POLD3: variants seen among roughly 807,000 people sequenced by gnomAD.
The protein encoded by POLD3 is DNA polymerase delta 3, accessory subunit.
POLD3 carries 19 observed loss-of-function variants against 58.2 expected under a neutral mutation model. The ratio of observed to expected loss-of-function variants is 0.33; its 90% confidence interval spans 0.23 to 0.48. The LOEUF is 0.48. Ranked by LOEUF, POLD3 falls within the 20% of genes least tolerant of loss-of-function variation. POLD3 has a pLI of 0.99. For missense variants in POLD3, 504 were observed against 545.5 expected (o/e 0.92, Z 0.76); for synonymous variants, 172 against 193.5 (o/e 0.89, Z 0.92).
chr11:74,618,453 C>T (rs1485312426), intron 5 of POLD3, 84 bp from the exon 6 acceptor site: 14 of 914,978 alleles, frequency 1.5e-5, no homozygotes, highest in Non-Finnish European at 2.2e-5. Context: ...TTTATACTGA[C>T]ATTAGTTTTT....
chr11:74,622,633 G>C (rs1794718812), intron 7 of POLD3, among the ~76,000 whole-genome samples: 2 of 152,162 alleles, frequency 1.3e-5, no homozygotes, highest in South Asian at 4.1e-4. Flanking sequence ...CTTGAGAATT[G>C]GATGAAGAGA....
intron 7 of POLD3, among the ~76,000 whole-genome samples, chr11:74,623,497 G>A (rs897035961): frequency 9.2e-5 from 14 of 152,120 alleles, no homozygotes; most frequent in Non-Finnish European, 1.9e-4. Context: ...TGGGGTTGAG[G>A]AGGAATGCTA....
intron 1 of POLD3, 129 bp from the exon 2 acceptor site, chr11:74,593,932 A>T: frequency 1.7e-6 from 1 of 591,606 alleles, no homozygotes; most frequent in Non-Finnish European, 3.1e-6. Context: ...GGAAAACTGC[A>T]GTGGCATTTA....
At chr11:74,667,036 C>T (rs926437208) in intron 4 of POLD3, among the ~76,000 whole-genome samples, 4 of 151,230 alleles carry the variant, frequency 2.6e-5, no homozygotes, top group Non-Finnish European at 5.9e-5. Context: ...ACAAATGATA[C>T]TGGGACAACT....
chr11:74,645,347 G>A (rs2032986007), downstream of POLD3, among the ~76,000 whole-genome samples: 1 of 152,176 alleles, frequency 6.6e-6, no homozygotes, highest in African/African-American at 2.4e-5. Flanking sequence ...TGTGCTTTAA[G>A]CATGAGAGTA....
intron 5 of POLD3, among the ~76,000 whole-genome samples, chr11:74,614,378 A>T (rs2032012815): frequency 6.6e-6 from 1 of 152,090 alleles, no homozygotes; most frequent in Non-Finnish European, 1.5e-5. Context: ...GCTGTTGGGG[A>T]TGGAGAAGTA....
At chr11:74,657,496 G>A (rs1350674249) in intron 4 of POLD3, among the ~76,000 whole-genome samples, 2 of 144,654 alleles carry the variant, frequency 1.4e-5, no homozygotes, top group African/African-American at 2.6e-5. Context: ...ATTTTAAACT[G>A]GTGACAACTT....
intron 3 of POLD3, among the ~76,000 whole-genome samples, chr11:74,606,630 A>G (rs1207192618): frequency 6.6e-6 from 1 of 152,202 alleles, no homozygotes; most frequent in Non-Finnish European, 1.5e-5. Context: ...TTTTACTCAA[A>G]CTGACCCATT....
rs1168064474 is a variant in POLD3 at position 74,625,367 on chromosome 11, C to T, written c.734-41C>T. On this transcript the variant is annotated intron_variant, in intron 7 of 11. Coordinates refer to ENST00000263681, the MANE Select transcript of POLD3 (RefSeq NM_006591.3). ...TCAAAAGAATGATGTATTAATATTG[C>T]ATGATGGGGTCATATGTCGTCTGCT... is the stretch of plus-strand genomic sequence containing the variant. 2.0e-6 allele frequency: 3 copies of T among 1,486,406 alleles called. No homozygotes were observed. In the East Asian group the frequency reaches 6.8e-5, roughly 34 times the overall value. 92.1% of individuals were successfully genotyped at this position (1,486,406 alleles called of 1,614,324 possible). A position where few individuals can be genotyped will look rare whatever the true frequency, so the allele number is the denominator to read the frequency against.
At position 74,642,584 on chromosome 11, in the gene POLD3, A is replaced by G. The variant is rs2032941620; in HGVS notation, c.*1818A>G. On this transcript the variant is annotated 3_prime_UTR_variant, in exon 12 of 12. Coordinates refer to ENST00000263681, the MANE Select transcript of POLD3 (RefSeq NM_006591.3). ...TCTTGCAAGGGATAATACAAATCCT[A>G]TGATCTCTATGCCCAATATGCTGCC... The G allele has an allele frequency of 4.1e-6, 4 of 985,228 alleles. No homozygotes were observed. The highest frequency in any genetic ancestry group is 1.7e-5 in the African/African-American group (1 of 57,238). 61.0% of individuals were successfully genotyped at this position (985,228 alleles called of 1,614,324 possible).
In POLD3 at chr11:74,606,407, T is replaced by C. The variant is rs948759891; in HGVS notation, c.219+1613T>C. Among the ~76,000 whole-genome samples the C allele has an allele frequency of 3.9e-5, 6 of 152,238 alleles. No individual in the cohort carries two copies. The East Asian group carries it at 1.2e-3, about 29-fold the overall frequency. On this transcript the variant is annotated intron_variant, in intron 3 of 11. Coordinates refer to ENST00000263681, the MANE Select transcript of POLD3 (RefSeq NM_006591.3). The stretch of plus-strand genomic sequence containing the variant: ...ACTGACCTTCTGTCTCTTTCTCTAA[T>C]TAGTCAGTACCCTCAATCTAGTCAT...
At chr11:74,664,125 G>A (rs2033237637) in intron 4 of POLD3, among the ~76,000 whole-genome samples, 1 of 152,136 alleles carries the variant, frequency 6.6e-6, no homozygotes, top group Admixed American at 6.5e-5. Context: ...AAATCAAACG[G>A]TGGCAACAGC....
At chr11:74,606,983 G>C (rs561540637) in intron 3 of POLD3, among the ~76,000 whole-genome samples, 4 of 152,118 alleles carry the variant, frequency 2.6e-5, no homozygotes, top group African/African-American at 9.6e-5. Flanking sequence ...GAGGATTTCA[G>C]AGCCCTGGAC....
Position 74,594,796 on chromosome 11 carries a change from GGA to G in POLD3, c.116+687_116+688del, listed in dbSNP as rs540753752. On this transcript the variant is annotated intron_variant, in intron 2 of 11. Transcript: ENST00000263681. The stretch of plus-strand genomic sequence containing the variant: ...GAAGGCATCTCTTCACAGGGTGGCA[GGA>G]GAGAGAATGAGTGTCGAGCGAAGGG... Among the ~76,000 whole-genome samples the G allele has an allele frequency of 2.6e-3, 399 of 152,320 alleles. 1 individual carries two copies. The highest frequency in any genetic ancestry group is 0.01 in the Middle Eastern group (3 of 294).
At chr11:74,593,259 A>G (rs1040182498) in intron 1 of POLD3, among the ~76,000 whole-genome samples, 2 of 152,180 alleles carry the variant, frequency 1.3e-5, no homozygotes, top group Admixed American at 1.3e-4. Flanking sequence ...CTGTGTGCCA[A>G]GGCACTTTAA....
At chr11:74,593,563 G>C (rs2031112922) in intron 1 of POLD3, among the ~76,000 whole-genome samples, 1 of 152,210 alleles carries the variant, frequency 6.6e-6, no homozygotes, top group Non-Finnish European at 1.5e-5. Flanking sequence ...GATGCTGGTA[G>C]TTCCCAATCT....
intron 6 of POLD3, 66 bp from the exon 7 acceptor site, chr11:74,619,951 G>A (rs2032201202): frequency 2.4e-6 from 3 of 1,260,544 alleles, no homozygotes; most frequent in Non-Finnish European, 3.5e-6. Context: ...GAGTTTGTTT[G>A]AGACTGCTAC....
intron 8 of POLD3, 28 bp from the exon 9 acceptor site, chr11:74,629,189 C>A: frequency 1.5e-6 from 2 of 1,350,238 alleles, no homozygotes; most frequent in Non-Finnish European, 2.1e-6. Flanking sequence ...CTGTGTAACA[C>A]GCTTAATTTA....
At chr11:74,613,286 T>TA (rs753687920) in intron 5 of POLD3, among the ~76,000 whole-genome samples, 4 of 151,824 alleles carry the variant, frequency 2.6e-5, no homozygotes, top group Non-Finnish European at 4.4e-5. Context: ...CTAACTCCCT[T>TA]ACCCAGTCTC....
Sources: allele counts gnomAD v4.1 joint callset (sites outside exome capture counted in the v4.1 genomes callset), GRCh38; gene constraint gnomAD v4.1.1; transcripts MANE v1.5; gene names NCBI Gene and HGNC (gene_info 2026-07-23, HGNC 2026-07-21).